MFSD1: variants seen among roughly 807,000 people sequenced by gnomAD.
The protein encoded by MFSD1 is major facilitator superfamily domain containing 1.
MFSD1 carries 59 observed loss-of-function variants against 67.1 expected under a neutral mutation model. That is an observed-to-expected ratio of 0.88 (90% CI 0.71 to 1.09). The LOEUF (loss-of-function observed/expected upper bound fraction) is 1.09, where lower values mean the gene tolerates loss of function less well. Among genes scored for constraint, MFSD1 ranks in the 50% least tolerant of loss-of-function variants. The pLI is 0.00. For missense variants in MFSD1, 552 were observed against 566.1 expected, an observed-to-expected ratio of 0.97 and a Z score of 0.25; for synonymous variants, 213 against 200.3, an observed-to-expected ratio of 1.06 and a Z score of -0.54.
chr3:158,820,945 A>T (rs1730638975), intron 9 of MFSD1, among the ~76,000 whole-genome samples: 1 of 152,180 alleles, frequency 6.6e-6, no homozygotes, highest in Admixed American at 6.5e-5. Context: ...CATAATATTG[A>T]TTTAATAGTT....
chr3:158,818,989 C>T (rs965004606), intron 7 of MFSD1, among the ~76,000 whole-genome samples: 3 of 152,186 alleles, frequency 2.0e-5, no homozygotes, highest in South Asian at 2.1e-4. Flanking sequence ...AATTTTCAAC[C>T]GGGCTGTGGT....
intron 4 of MFSD1, 92 bp downstream of exon 4, chr3:158,807,174 G>T (rs546450473): frequency 2.8e-5 from 34 of 1,220,824 alleles, no homozygotes; most frequent in Non-Finnish European, 4.1e-5. Context: ...TTTAATTAAT[G>T]CCTAGCTTAA....
chr3:158,820,496 G>T (rs1730614876), intron 9 of MFSD1, among the ~76,000 whole-genome samples, 170 bp downstream of exon 9: 1 of 152,152 alleles, frequency 6.6e-6, no homozygotes, highest in East Asian at 1.9e-4. Context: ...TTAAGGTTTA[G>T]TATTGGTTTT....
At chr3:158,816,832 G>A (rs1240257552) in intron 7 of MFSD1, among the ~76,000 whole-genome samples, 1 of 144,270 alleles carries the variant, frequency 6.9e-6, no homozygotes, top group Non-Finnish European at 1.5e-5. Flanking sequence ...TTTGTATCAG[G>A]GGTAAGGAAG....
intron 15 of MFSD1, among the ~76,000 whole-genome samples, 163 bp from the exon 16 acceptor site, chr3:158,828,816 G>A (rs1391504624): frequency 2.0e-5 from 3 of 152,018 alleles, no homozygotes; most frequent in Non-Finnish European, 4.4e-5. Context: ...GATCTTTTGT[G>A]ACTTTTAGGA....
At chr3:158,820,113 C>T in intron 8 of MFSD1, 102 bp from the exon 9 acceptor site, 1 of 644,362 alleles carries the variant, frequency 1.6e-6, no homozygotes, top group Non-Finnish European at 2.7e-6. Flanking sequence ...AGTTGAATTG[C>T]AAAGATTAAT....
rs752947198 is a variant in MFSD1, at chr3:158,807,025, T to C, written c.330-15T>C. On this transcript the variant is annotated splice_polypyrimidine_tract_variant and intron_variant, in intron 3 of 15. Coordinates refer to ENST00000415822, the MANE Select transcript of MFSD1 (RefSeq NM_022736.4). ...TTTTTCTTTTTCTCATTCTCATTCT[T>C]TCTTTCCCAAACAGATGGGGCACAA... 1 of 1,604,356 alleles carries C rather than the reference T, an allele frequency of 6.2e-7. No homozygotes were observed.
At chr3:158,812,443 ACCT>A (rs1025909149) in intron 6 of MFSD1, among the ~76,000 whole-genome samples, 8 of 152,034 alleles carry the variant, frequency 5.3e-5, no homozygotes, top group African/African-American at 1.9e-4. Flanking sequence ...GGCTCATTTC[ACCT>A]CCTCAAGATC....
chr3:158,805,923 C>T (rs2108204869), intron 3 of MFSD1, among the ~76,000 whole-genome samples: 1 of 152,324 alleles, frequency 6.6e-6, no homozygotes, highest in South Asian at 2.1e-4. Context: ...GTATGTGCTT[C>T]CTCCAGCCCC....
At position 158,807,074 on chromosome 3, in the gene MFSD1, A is replaced by G; in HGVS notation, c.364A>G (p.Ile122Val). 6.2e-7 allele frequency: 1 copy of G among 1,612,036 alleles called. No individual in the cohort carries two copies. Among genetic ancestry groups the G allele is most frequent in the Non-Finnish European group, 8.5e-7 (1 of 1,178,980 alleles). ...AATCATTTTTAGCTGCTTTGTTTGC[A>G]TTGGACAGGTAAGGAAGGCCAAAAC... The part of the protein sequence containing the change: ...GTIIFSCFVC[I>V]GQVVFALGGI... Residue 122 changes from isoleucine (I) to valine (V), a missense_variant, in exon 4 of 16, where the codon ATT becomes GTT. By Grantham distance (29) the Ile-to-Val change is conservative (BLOSUM62 3). Coordinates refer to ENST00000415822, the MANE Select transcript of MFSD1 (RefSeq NM_022736.4).
At chr3:158,814,779 A>T (rs1730229847) in intron 7 of MFSD1, among the ~76,000 whole-genome samples, 1 of 152,096 alleles carries the variant, frequency 6.6e-6, no homozygotes. Context: ...TTCAGGTAAG[A>T]TGTTAATTAA....
chr3:158,823,189 C>T (rs1466795877), intron 11 of MFSD1: 2 of 463,606 alleles, frequency 4.3e-6, no homozygotes, highest in African/African-American at 3.9e-5. Flanking sequence ...GTTACATATG[C>T]ATATAATATG....
intron 7 of MFSD1, among the ~76,000 whole-genome samples, chr3:158,815,488 T>C (rs1266494343): frequency 2.6e-5 from 4 of 151,574 alleles, no homozygotes; most frequent in African/African-American, 9.7e-5. Context: ...TTTCCCATAA[T>C]CAGAAAATAG....
chr3:158,818,194 C>T (rs1191510174), intron 7 of MFSD1, among the ~76,000 whole-genome samples: 2 of 152,138 alleles, frequency 1.3e-5, no homozygotes, highest in Admixed American at 6.5e-5. Context: ...CCAAGATGTG[C>T]ACATCTTTTA....
At chr3:158,828,934 G>T (rs779296203) in intron 15 of MFSD1, 45 bp from the exon 16 acceptor site, 40 of 1,587,104 alleles carry the variant, frequency 2.5e-5, no homozygotes, top group Non-Finnish European at 3.3e-5. Flanking sequence ...TGAGCTTCAT[G>T]TTTTTTTCTT....
chr3:158,811,592 T>A (rs1024241634), intron 6 of MFSD1, among the ~76,000 whole-genome samples: 1 of 152,128 alleles, frequency 6.6e-6, no homozygotes, highest in African/African-American at 2.4e-5. Context: ...ACAAAAGGGC[T>A]CCATTGGGGT....
chr3:158,805,337 A>G (rs755332780), intron 2 of MFSD1, 25 bp from the exon 3 acceptor site: 6 of 1,554,906 alleles, frequency 3.9e-6, no homozygotes, highest in Non-Finnish European at 5.3e-6. Flanking sequence ...TTGGAAAAAA[A>G]TAGTTTTATT....
intron 7 of MFSD1, among the ~76,000 whole-genome samples, chr3:158,815,356 C>CTTTTTT (rs58754327): frequency 7.4e-6 from 1 of 134,326 alleles, no homozygotes; most frequent in Non-Finnish European, 1.6e-5. Context: ...CTTGTAGTGT[C>CTTTTTT]TTTTTTTTTT....
In MFSD1 at chr3:158,824,330, C is replaced by T. The variant is rs933112471; in HGVS notation, c.1288+94C>T. On this transcript the variant is annotated intron_variant, in intron 13 of 15. Transcript: ENST00000415822. ...GCATAGCTCCCAGATTTGCCTAATTCTCACCTGTGAATTAGAATTTCATAG... is the reference window on the plus strand; with the variant it reads ...GCATAGCTCCCAGATTTGCCTAATTTTCACCTGTGAATTAGAATTTCATAG... The T allele has an allele frequency of 4.6e-6, 4 of 864,346 alleles. No individual in the cohort carries two copies. In the Middle Eastern group the frequency reaches 7.0e-4, roughly 151 times the overall value. 53.5% of individuals were successfully genotyped at this position (864,346 alleles called of 1,614,324 possible). A position where few individuals can be genotyped will look rare whatever the true frequency, so the allele number is the denominator to read the frequency against.
Sources: allele counts gnomAD v4.1 joint callset (sites outside exome capture counted in the v4.1 genomes callset), GRCh38; gene constraint gnomAD v4.1.1; transcripts MANE v1.5; gene names NCBI Gene and HGNC (gene_info 2026-07-23, HGNC 2026-07-21).